The following STS variants were observed in gnomAD, a reference collection of about 807,000 sequenced individuals.
The protein encoded by STS is steryl-sulfatase.
In STS, 7 loss-of-function variants were observed where a neutral mutation model predicts 26.8. That is an observed-to-expected ratio of 0.26 (90% confidence interval 0.15 to 0.49). The LOEUF is 0.49. Ranked by LOEUF, STS falls within the 20% of genes least tolerant of loss-of-function variation. The probability of loss-of-function intolerance (pLI) is 0.98; values close to 1 mark genes in which losing one functional copy is unlikely to be tolerated. For missense variants in STS, 434 were observed against 465.6 expected (o/e 0.93, Z 0.63); for synonymous variants, 199 against 189.4 (o/e 1.05, Z -0.42).
chrX:7,323,963 C>G (rs1319521661), intron 8 of STS, among the ~76,000 whole-genome samples: 3 of 111,545 alleles, frequency 2.7e-5, no homozygotes, highest in Non-Finnish European at 3.8e-5. Context: ...AGAACCCTGT[C>G]TACAAAAAGA....
At chrX:7,288,913 G>A (rs1261142175) in intron 7 of STS, among the ~76,000 whole-genome samples, 1 of 111,645 alleles carries the variant, frequency 9.0e-6, no homozygotes, top group Non-Finnish European at 1.9e-5. Flanking sequence ...TAGCCCAGTA[G>A]TCTCTTCCCA....
chrX:7,221,366 C>T (rs746052513), intron 2 of STS, among the ~76,000 whole-genome samples: 4 of 112,578 alleles, frequency 3.6e-5, no homozygotes, highest in African/African-American at 6.4e-5. Flanking sequence ...TAGTGCAGAG[C>T]TGTATAGCAC....
chrX:7,345,344 C>G (rs1331550033), intron 10 of STS, among the ~76,000 whole-genome samples: 1 of 111,690 alleles, frequency 9.0e-6, no homozygotes, highest in Non-Finnish European at 1.9e-5. Flanking sequence ...GTGCATTCAT[C>G]TAAAGATATA....
At chrX:7,328,146 A>G (rs1405600286) in intron 9 of STS, among the ~76,000 whole-genome samples, 1 of 111,877 alleles carries the variant, frequency 8.9e-6, no homozygotes, top group Non-Finnish European at 1.9e-5. Flanking sequence ...AAAGGTTAAT[A>G]CTTCCTCAAG....
In STS at chrX:7,309,013, C is replaced by CT. The variant is rs1241111011; in HGVS notation, c.1081+3840dup. Among the ~76,000 whole-genome samples, 18 of 109,138 alleles carry CT rather than the reference C, an allele frequency of 1.6e-4. No individual in the cohort carries two copies. In the East Asian group the frequency reaches 3.8e-3, roughly 23 times the overall value. 94.8% of individuals were successfully genotyped at this position (109,138 alleles called of 115,157 possible). On this transcript the variant is annotated intron_variant, in intron 8 of 10. Transcript: ENST00000674429. ...CCTTCAAAGGACTTTGCTATTTGAA[C>CT]TTTTTTTTTTCCTTTTGAGAGAATC...
chrX:7,291,745 A>T (rs1367877645), intron 7 of STS, among the ~76,000 whole-genome samples: 1 of 112,226 alleles, frequency 8.9e-6, no homozygotes, highest in Non-Finnish European at 1.9e-5. Flanking sequence ...TCACACTTCC[A>T]GTTTGTAGAA....
intron 9 of STS, among the ~76,000 whole-genome samples, chrX:7,329,894 GATT>G (rs762290226): frequency 7.2e-5 from 8 of 111,774 alleles, no homozygotes; most frequent in Non-Finnish European, 1.3e-4. Context: ...ACACAGGAAA[GATT>G]GTTGTTGTTG....
At chrX:7,305,719 C>T (rs1215641884) in intron 8 of STS, among the ~76,000 whole-genome samples, 1 of 111,647 alleles carries the variant, frequency 9.0e-6, no homozygotes, top group Admixed American at 9.5e-5. Flanking sequence ...GCTAACAATT[C>T]ACTGTCTTCA....
chrX:7,315,256 G>A (rs766746962), intron 8 of STS, among the ~76,000 whole-genome samples: 9 of 112,398 alleles, frequency 8.0e-5, no homozygotes, highest in Non-Finnish European at 1.5e-4. Context: ...CTGTTGGAAT[G>A]AGACATGCAT....
At chrX:7,347,612 A>G (rs1928583218) in intron 10 of STS, among the ~76,000 whole-genome samples, 1 of 111,336 alleles carries the variant, frequency 9.0e-6, no homozygotes, top group Non-Finnish European at 1.9e-5. Context: ...GCAAGTGGAA[A>G]ATACAGGCTC....
In STS at chrX:7,325,390, G is replaced by A. The variant is rs148600708; in HGVS notation, c.1133G>A (p.Arg378His). ...EGGIRVPGIL[R>H]WPRVIQAGQK... The stretch of plus-strand genomic sequence containing the variant: ...GGTATCCGGGTTCCAGGCATCCTTC[G>A]TTGGCCCAGGGTGATACAGGCTGGC... Residue 378 changes from arginine to histidine, a missense_variant, in exon 9 of 11, where the codon CGT becomes CAT. Coordinates refer to ENST00000674429, the MANE Select transcript of STS (RefSeq NM_001320752.2). 1.7e-4 allele frequency: 203 copies of A among 1,209,298 alleles called. No individual in the cohort carries two copies. The highest frequency in any genetic ancestry group is 3.6e-4 in the East Asian group (12 of 33,712).
chrX:7,240,696 C>G (rs1922573693), intron 2 of STS, among the ~76,000 whole-genome samples: 1 of 108,475 alleles, frequency 9.2e-6, no homozygotes, highest in Admixed American at 9.9e-5. Flanking sequence ...TGACTGTTGC[C>G]TCTTTCTGAC....
chrX:7,248,839 C>T (rs1183808578), intron 2 of STS, among the ~76,000 whole-genome samples: 1 of 111,013 alleles, frequency 9.0e-6, no homozygotes, highest in African/African-American at 3.3e-5. Context: ...AACTGAAACT[C>T]TGTATCTATT....
At chrX:7,262,094 A>T (rs1282984986) in intron 6 of STS, among the ~76,000 whole-genome samples, 1 of 112,019 alleles carries the variant, frequency 8.9e-6, no homozygotes, top group Non-Finnish European at 1.9e-5. Flanking sequence ...GGAGCACCAC[A>T]CAATTTAAGT....
intron 8 of STS, among the ~76,000 whole-genome samples, chrX:7,314,895 T>C (rs939721837): frequency 4.5e-5 from 5 of 112,328 alleles, no homozygotes; most frequent in African/African-American, 1.3e-4. Flanking sequence ...GCATAGCTCA[T>C]GCTTATGGGC....
chrX:7,147,860 A>T lies in STS; in HGVS notation c.-357A>T. The T allele has an allele frequency of 5.3e-6, 1 of 190,375 alleles. No individual in the cohort carries two copies. Among genetic ancestry groups the T allele is most frequent in the Non-Finnish European group, 1.0e-5 (1 of 98,980 alleles). The allele number at this position is 190,375 out of a possible 1,213,427, so 15.7% of individuals were successfully genotyped here. ...CGGCCACGCGCGCCCGCCAGCCCGG[A>T]CATGGGCCCGCGGGCGCTCCTGGCC... On this transcript the variant is annotated 5_prime_UTR_variant, in exon 1 of 11. Transcript: ENST00000674429.
At chrX:7,319,586 A>G (rs1462186341) in intron 8 of STS, among the ~76,000 whole-genome samples, 1 of 110,087 alleles carries the variant, frequency 9.1e-6, no homozygotes, top group African/African-American at 3.3e-5. Flanking sequence ...CTTTCACCCT[A>G]AAGATGATGT....
In STS at chrX:7,330,860, A is replaced by G. The variant is rs1245915718; in HGVS notation, c.1242-3126A>G. 4.4e-5 allele frequency among the ~76,000 whole-genome samples: 5 copies of G among 112,425 alleles called. No individual in the cohort carries two copies. In the East Asian group the frequency reaches 1.4e-3, roughly 31 times the overall value. On this transcript the variant is annotated intron_variant, in intron 9 of 10. Transcript: ENST00000674429. Reference sequence around the variant, plus strand: ...CATATTTTTCTGAATTGTGATAATAACTTTCTGAATACTTAAGATTCCCTT... The same window carrying G: ...CATATTTTTCTGAATTGTGATAATAGCTTTCTGAATACTTAAGATTCCCTT...
intron 1 of STS, among the ~76,000 whole-genome samples, chrX:7,185,591 G>A (rs901942301): frequency 8.9e-6 from 1 of 111,967 alleles, no homozygotes; most frequent in Non-Finnish European, 1.9e-5. Context: ...TCTCTTGATG[G>A]AATACAAAAT....
Sources: allele counts gnomAD v4.1 joint callset (sites outside exome capture counted in the v4.1 genomes callset), GRCh38; gene constraint gnomAD v4.1.1; transcripts MANE v1.5; gene names NCBI Gene and HGNC (gene_info 2026-07-23, HGNC 2026-07-21).